AFF3: variants seen among roughly 807,000 people sequenced by gnomAD.
The protein encoded by AFF3 is ALF transcription elongation factor 3.
Under a neutral mutation model 129.7 loss-of-function variants are expected in AFF3, and 32 were observed. That is an observed-to-expected ratio of 0.25 (90% confidence interval 0.19 to 0.33). The LOEUF (loss-of-function observed/expected upper bound fraction) is 0.33. Ranked by LOEUF, AFF3 falls within the 10% of genes least tolerant of loss-of-function variation. The pLI is 1.00. For synonymous variants in AFF3, 644 were observed against 635.4 expected (o/e 1.01, Z -0.20); for missense variants, 1,373 against 1,592.0 (o/e 0.86, Z 2.34).
intron 7 of AFF3, among the ~76,000 whole-genome samples, chr2:99,890,227 A>G (rs963102049): frequency 3.3e-5 from 5 of 152,108 alleles, no homozygotes; most frequent in Admixed American, 1.3e-4. Context: ...GGCCACTTCC[A>G]CCCAATGAGG....
intron 4 of AFF3, among the ~76,000 whole-genome samples, chr2:100,052,653 TG>T (rs1343025746): frequency 6.6e-6 from 1 of 152,178 alleles, no homozygotes; most frequent in African/African-American, 2.4e-5. Flanking sequence ...GAAATGCTCC[TG>T]GGTTTAGAGA....
intron 20 of AFF3, among the ~76,000 whole-genome samples, chr2:99,563,319 T>C (rs1675650453): frequency 6.6e-6 from 1 of 151,252 alleles, no homozygotes; most frequent in African/African-American, 2.4e-5. Context: ...GCCTCCTGAG[T>C]AGCTAGGACT....
chr2:100,015,933 T>C (rs1359650508), intron 4 of AFF3, among the ~76,000 whole-genome samples: 1 of 151,914 alleles, frequency 6.6e-6, no homozygotes, highest in Non-Finnish European at 1.5e-5. Context: ...GTGATGATGG[T>C]TATGATGGTG....
intron 8 of AFF3, among the ~76,000 whole-genome samples, chr2:99,784,579 T>C (rs932313179): frequency 5.3e-5 from 8 of 152,222 alleles, no homozygotes; most frequent in Non-Finnish European, 1.0e-4. Flanking sequence ...TAGTATGATA[T>C]TGGAACGGCA....
At chr2:99,878,977 G>T (rs560764494) in intron 7 of AFF3, among the ~76,000 whole-genome samples, 1 of 152,108 alleles carries the variant, frequency 6.6e-6, no homozygotes, top group Non-Finnish European at 1.5e-5. Flanking sequence ...ACAAAATTAG[G>T]TAACTTCAGA....
At chr2:100,140,503 C>T (rs1191580004) in intron 1 of AFF3, among the ~76,000 whole-genome samples, 7 of 152,164 alleles carry the variant, frequency 4.6e-5, no homozygotes, top group Admixed American at 3.9e-4. Context: ...CAGATCCCAA[C>T]GCTGCTATTT....
chr2:99,966,689 CAAAAAAAAAAAAAAAA>C (rs61351679), intron 7 of AFF3, among the ~76,000 whole-genome samples: 6 of 36,684 alleles, frequency 1.6e-4, no homozygotes, highest in East Asian at 2.0e-3. Flanking sequence ...GACTCCGTCT[CAAAAAAAAAAAAAAAA>C]AAAAAAAAAA....
At chr2:99,629,614 G>A (rs937649687) in intron 13 of AFF3, among the ~76,000 whole-genome samples, 1 of 152,160 alleles carries the variant, frequency 6.6e-6, no homozygotes, top group Non-Finnish European at 1.5e-5. Flanking sequence ...CAGTCGGTTT[G>A]GGCTGGCTAT....
chr2:100,122,451 G>A (rs1446471109), intron 2 of AFF3, among the ~76,000 whole-genome samples: 5 of 152,206 alleles, frequency 3.3e-5, no homozygotes, highest in African/African-American at 9.7e-5. Context: ...TTTTGTAGAT[G>A]CAGAAACAAA....
intron 7 of AFF3, among the ~76,000 whole-genome samples, chr2:99,998,864 C>T (rs1040758441): frequency 6.6e-6 from 1 of 152,126 alleles, no homozygotes; most frequent in Admixed American, 6.5e-5. Context: ...CCCCATGGGG[C>T]CAATGGGTGT....
intron 13 of AFF3, among the ~76,000 whole-genome samples, chr2:99,632,774 T>C (rs115229737): frequency 0.015 from 2,271 of 152,346 alleles, 47 homozygotes; most frequent in African/African-American, 0.051. Flanking sequence ...AACAGGATTT[T>C]AAATTAGTTG....
At chr2:99,741,307 T>G (rs1575838812) in intron 10 of AFF3, among the ~76,000 whole-genome samples, 2 of 152,144 alleles carry the variant, frequency 1.3e-5, no homozygotes, top group African/African-American at 4.8e-5. Context: ...CATGATTGTA[T>G]ATCTAGAAAA....
rs571034401 is a variant in AFF3, at chr2:100,026,949, A to G, written c.54-18017T>C. On this transcript the variant is annotated intron_variant, in intron 4 of 24. Transcript: ENST00000672756. ...TTGGGGGGAAGGGTGGGAGGGTGGC[A>G]AGGGATAAAAGACTACAAATAGGGT... is the stretch of plus-strand genomic sequence containing the variant. Among the ~76,000 whole-genome samples the G allele has an allele frequency of 2.5e-3, 375 of 152,030 alleles. 1 individual carries two copies. The highest frequency in any genetic ancestry group is 8.5e-3 in the African/African-American group (351 of 41,464).
intron 4 of AFF3, among the ~76,000 whole-genome samples, chr2:100,026,619 T>C (rs555235123): frequency 3.2e-4 from 48 of 151,688 alleles, no homozygotes; most frequent in Admixed American, 1.4e-3. Context: ...AGCAGCACAA[T>C]TCACAACTGC....
chr2:99,818,419 C>A (rs113711245), intron 8 of AFF3, among the ~76,000 whole-genome samples: 1 of 152,080 alleles, frequency 6.6e-6, no homozygotes, highest in African/African-American at 2.4e-5. Context: ...ACGTTGAAAC[C>A]GACAATCCTT....
At chr2:99,882,766 G>A (rs1315199827) in intron 7 of AFF3, among the ~76,000 whole-genome samples, 1 of 152,302 alleles carries the variant, frequency 6.6e-6, no homozygotes, top group Non-Finnish European at 1.5e-5. Flanking sequence ...CAAGGCTGTC[G>A]TCATGACAGT....
intron 7 of AFF3, among the ~76,000 whole-genome samples, chr2:99,992,946 G>C (rs1680492037): frequency 1.3e-5 from 2 of 152,302 alleles, no homozygotes; most frequent in African/African-American, 4.8e-5. Flanking sequence ...GTGAGAAAAA[G>C]TGGTTCCTGC....
Position 99,713,371 on chromosome 2 carries a change from C to T in AFF3, c.1091+13706G>A, listed in dbSNP as rs1233072758. On this transcript the variant is annotated intron_variant, in intron 11 of 24. Coordinates refer to ENST00000672756, the MANE Select transcript of AFF3 (RefSeq NM_001386135.1). ...GCAACCTCTGACTCCCTGGTTCAAG[C>T]GATTCTCCTGCCTCAGCCTCCCGAG... Among the ~76,000 whole-genome samples the T allele has an allele frequency of 2.7e-5, 4 of 150,728 alleles. 1 individual carries two copies. In the South Asian group the frequency reaches 8.4e-4, roughly 32 times the overall value.
intron 7 of AFF3, among the ~76,000 whole-genome samples, chr2:99,910,839 G>A (rs1018558400): frequency 1.3e-5 from 2 of 152,230 alleles, no homozygotes; most frequent in African/African-American, 4.8e-5. Flanking sequence ...AGATATATGT[G>A]ATCATTTCGG....
Sources: gnomAD v4.1 joint callset for allele counts (sites outside exome capture counted in the v4.1 genomes callset) on GRCh38, gnomAD v4.1.1 for gene constraint, MANE v1.5 for transcripts, NCBI Gene and HGNC (gene_info 2026-07-23, HGNC 2026-07-21) for gene names.